Variants in LTO1 observed in about 807,000 individuals in gnomAD.
LTO1 encodes the protein protein LTO1 homolog.
A neutral mutation model predicts 19.8 loss-of-function variants in LTO1; 18 were observed. That is an observed-to-expected ratio of 0.91 (90% CI 0.63 to 1.35). The LOEUF is 1.35. Ranked by LOEUF, LTO1 falls within the 40% of genes most tolerant of loss-of-function variation. The pLI is 0.00. For synonymous variants in LTO1, 59 were observed against 59.6 expected, an observed-to-expected ratio of 0.99 and a Z score of 0.05; for missense variants, 175 against 167.9, an observed-to-expected ratio of 1.04 and a Z score of -0.23.
At chr11:69,673,439 A>C in intron 1 of LTO1, 118 bp from the exon 2 acceptor site, 2 of 676,424 alleles carry the variant, frequency 3.0e-6, no homozygotes, top group Non-Finnish European at 5.2e-6. Flanking sequence ...AAGGAGGAAA[A>C]GCCTAAAATT....
rs74998532 is a variant in LTO1, at chr11:69,670,507, C to T, written c.227+1242G>A. Among the ~76,000 whole-genome samples, 371 of 152,374 alleles carry T rather than the reference C, an allele frequency of 2.4e-3. 12 individuals carry two copies. In the East Asian group the frequency reaches 0.059, roughly 24 times the overall value. On this transcript the variant is annotated intron_variant, in intron 3 of 4. Coordinates refer to ENST00000279147, the MANE Select transcript of LTO1 (RefSeq NM_153451.3). ...AGGAGGAAAATGTCCTCAAGTGCCC[C>T]TCTGCTAACCCAGAATCCCATCGAC... is the stretch of plus-strand genomic sequence containing the variant.
chr11:69,665,716 C>T lies in LTO1; in HGVS notation c.*1803G>A, dbSNP rs977743612. ...AGAAAGAACGAGAGTCTTTCTGGCC[C>T]GAAGGCACCAGCTCTGATGAAGGCA... On this transcript the variant is annotated 3_prime_UTR_variant, in exon 5 of 5. Transcript: ENST00000279147. 6.6e-5 allele frequency: 10 copies of T among 152,156 alleles called. No individual in the cohort carries two copies. Among genetic ancestry groups the T allele is most frequent in the Non-Finnish European group, 7.3e-5 (5 of 68,038 alleles). 9.4% of individuals were successfully genotyped at this position (152,156 alleles called of 1,614,324 possible).
intron 2 of LTO1, chr11:69,672,136 A>G: frequency 3.1e-6 from 1 of 325,450 alleles, no homozygotes; most frequent in Non-Finnish European, 6.0e-6. Flanking sequence ...CTAGGGATAA[A>G]AGCCAGTGTC....
At chr11:69,668,549 A>G (rs1398564899) in intron 3 of LTO1, among the ~76,000 whole-genome samples, 1 of 152,248 alleles carries the variant, frequency 6.6e-6, no homozygotes, top group African/African-American at 2.4e-5. Context: ...CTGTGCACTC[A>G]GGAGACAGCA....
Position 69,667,453 on chromosome 11 carries a change from CG to C in LTO1, c.*65del. The C allele has an allele frequency of 1.8e-6, 2 of 1,087,382 alleles. No individual in the cohort carries two copies. The highest frequency in any genetic ancestry group is 2.9e-6 in the Non-Finnish European group (2 of 701,738). The allele number at this position is 1,087,382 out of a possible 1,614,324, so 67.4% of individuals were successfully genotyped here. A position where few individuals can be genotyped will look rare whatever the true frequency, so the allele number is the denominator to read the frequency against. On this transcript the variant is annotated 3_prime_UTR_variant, in exon 5 of 5. Coordinates refer to ENST00000279147, the MANE Select transcript of LTO1 (RefSeq NM_153451.3). ...TTCCCAGCACCGTCTGGCCCTTCAC[CG>C]CATTTCTAAACACGTCACACACACA... is the stretch of plus-strand genomic sequence containing the variant.
At position 69,666,535 on chromosome 11, in the gene LTO1, CCTCGTAAGGACAGAGACAAAAGAG is replaced by C. The variant is rs1856035135; in HGVS notation, c.*960_*983del. The C allele has an allele frequency of 6.6e-6, 1 of 152,304 alleles. No individual in the cohort carries two copies. The highest frequency in any genetic ancestry group is 1.5e-5 in the Non-Finnish European group (1 of 68,084). The allele number at this position is 152,304 out of a possible 1,614,324, so 9.4% of individuals were successfully genotyped here. A position where few individuals can be genotyped will look rare whatever the true frequency, so the allele number is the denominator to read the frequency against. Reference sequence around the variant, plus strand: ...CCCACCCCACTGCCTCTGTATGACGCCTCGTAAGGACAGAGACAAAAGAGCTCCTAGGAGAGGGGAGAATGCAGG... The same window carrying C: ...CCCACCCCACTGCCTCTGTATGACGCCTCCTAGGAGAGGGGAGAATGCAGG... On this transcript the variant is annotated 3_prime_UTR_variant, in exon 5 of 5. Transcript: ENST00000279147.
Position 69,667,723 on chromosome 11 carries a change from G to T in LTO1, c.346-136C>A, listed in dbSNP as rs564201900. 4.2e-4 allele frequency: 307 copies of T among 731,420 alleles called. No homozygotes were observed. In the African/African-American group the frequency reaches 4.8e-3, roughly 11 times the overall value. The allele number at this position is 731,420 out of a possible 1,614,324, so 45.3% of individuals were successfully genotyped here. On this transcript the variant is annotated intron_variant, in intron 4 of 4. Coordinates refer to ENST00000279147, the MANE Select transcript of LTO1 (RefSeq NM_153451.3). ...AATGAGTTCTAACTCCTTTTCTCTGGACTGTCTTCAGTTTTCCTGCACTGC... is the reference window on the plus strand; with the variant it reads ...AATGAGTTCTAACTCCTTTTCTCTGTACTGTCTTCAGTTTTCCTGCACTGC...
chr11:69,666,002 A>G lies in LTO1; in HGVS notation c.*1517T>C, dbSNP rs1179416528. The G allele has an allele frequency of 6.6e-6, 1 of 152,106 alleles. No homozygotes were observed. The highest frequency in any genetic ancestry group is 1.5e-5 in the Non-Finnish European group (1 of 68,030). 9.4% of individuals were successfully genotyped at this position (152,106 alleles called of 1,614,324 possible). A position where few individuals can be genotyped will look rare whatever the true frequency, so the allele number is the denominator to read the frequency against. On this transcript the variant is annotated 3_prime_UTR_variant, in exon 5 of 5. Transcript: ENST00000279147. Reference sequence around the variant, plus strand: ...AAACCCCATCTCTACTAAAAATACAAAAGTTACTTGGGCGTGGTGGGGGGC... The same window carrying G: ...AAACCCCATCTCTACTAAAAATACAGAAGTTACTTGGGCGTGGTGGGGGGC...
At chr11:69,668,149 T>G (rs1590922784) in intron 3 of LTO1, 137 bp from the exon 4 acceptor site, 1 of 657,160 alleles carries the variant, frequency 1.5e-6, no homozygotes, top group East Asian at 2.5e-5. Flanking sequence ...ATGATTATTT[T>G]CTCATTACAC....
chr11:69,674,394 G>C (rs764205620), intron 1 of LTO1, among the ~76,000 whole-genome samples: 4 of 152,222 alleles, frequency 2.6e-5, no homozygotes, highest in Non-Finnish European at 2.9e-5. Flanking sequence ...CAGTGGAACT[G>C]CCACTATCTT....
rs967997572 is a variant in LTO1 at position 69,667,207 on chromosome 11, A to G, written c.*312T>C. ...CAGTCCAGGCCTGGTGACTGACCCTATCCAGAGCCAACTCCAACCCAGAAC... is the reference window on the plus strand; with the variant it reads ...CAGTCCAGGCCTGGTGACTGACCCTGTCCAGAGCCAACTCCAACCCAGAAC... On this transcript the variant is annotated 3_prime_UTR_variant, in exon 5 of 5. Coordinates refer to ENST00000279147, the MANE Select transcript of LTO1 (RefSeq NM_153451.3). 2 of 397,140 alleles carry G rather than the reference A, an allele frequency of 5.0e-6. No homozygotes were observed. Among genetic ancestry groups the G allele is most frequent in the Non-Finnish European group, 9.0e-6 (2 of 222,762 alleles). The allele number at this position is 397,140 out of a possible 1,614,324, so 24.6% of individuals were successfully genotyped here. A position where few individuals can be genotyped will look rare whatever the true frequency, so the allele number is the denominator to read the frequency against.
intron 1 of LTO1, chr11:69,674,848 G>C (rs752374415): frequency 5.3e-5 from 30 of 569,592 alleles, no homozygotes; most frequent in Non-Finnish European, 1.0e-4. Context: ...TAAGGAACCA[G>C]AAAAAAAGGC....
In LTO1 at chr11:69,675,229, C is replaced by A. The variant is rs1448153062; in HGVS notation, c.11G>T (p.Ser4Ile). 2 of 1,514,060 alleles carry A rather than the reference C, an allele frequency of 1.3e-6. No individual in the cohort carries two copies. Among genetic ancestry groups the A allele is most frequent in the Non-Finnish European group, 1.8e-6 (2 of 1,133,198 alleles). 93.8% of individuals were successfully genotyped at this position (1,514,060 alleles called of 1,614,324 possible). MAG[S>I]QDIFDAIVMA... ...CACGATGGCATCGAATATGTCCTGA[C>A]TGCCAGCCATAGCGGCAAGCAGCCC... Residue 4 changes from serine (S) to isoleucine (I), a missense_variant, in exon 1 of 5, where the codon AGT (serine) becomes ATT (isoleucine). Coordinates refer to ENST00000279147, the MANE Select transcript of LTO1 (RefSeq NM_153451.3).
intron 1 of LTO1, among the ~76,000 whole-genome samples, chr11:69,673,620 C>T (rs989360580): frequency 1.3e-5 from 2 of 151,810 alleles, no homozygotes; most frequent in African/African-American, 4.8e-5. Flanking sequence ...AAGATATTAA[C>T]TCAAAAGCCT....
intron 3 of LTO1, among the ~76,000 whole-genome samples, chr11:69,671,134 C>T (rs1023884131): frequency 5.9e-5 from 9 of 152,072 alleles, no homozygotes; most frequent in East Asian, 1.9e-4. Context: ...CTCTTGATCT[C>T]GTGATCTGCC....
Position 69,675,336 on chromosome 11 carries a change from G to T in LTO1, c.-97C>A. 1.9e-6 allele frequency: 2 copies of T among 1,029,316 alleles called. No homozygotes were observed. Among genetic ancestry groups the T allele is most frequent in the South Asian group, 1.8e-5 (1 of 54,644 alleles). The allele number at this position is 1,029,316 out of a possible 1,614,324, so 63.8% of individuals were successfully genotyped here. ...CAGGCACAAATGCTCCGCTTGGGAGGAGACGAGACCCACTTCCGGAAGCGG... is the reference window on the plus strand; with the variant it reads ...CAGGCACAAATGCTCCGCTTGGGAGTAGACGAGACCCACTTCCGGAAGCGG... On this transcript the variant is annotated 5_prime_UTR_variant, in exon 1 of 5. Transcript: ENST00000279147.
Position 69,675,250 on chromosome 11 carries a change from A to C in LTO1, c.-11T>G. The C allele has an allele frequency of 1.3e-6, 2 of 1,493,158 alleles. No individual in the cohort carries two copies. Among genetic ancestry groups the C allele is most frequent in the Non-Finnish European group, 1.8e-6 (2 of 1,123,002 alleles). 92.5% of individuals were successfully genotyped at this position (1,493,158 alleles called of 1,614,324 possible). On this transcript the variant is annotated 5_prime_UTR_variant, in exon 1 of 5. Coordinates refer to ENST00000279147, the MANE Select transcript of LTO1 (RefSeq NM_153451.3). Reference sequence around the variant, plus strand: ...CTGACTGCCAGCCATAGCGGCAAGCAGCCCGCCCTTGGCCCCCGGGTTTCT... The same window carrying C: ...CTGACTGCCAGCCATAGCGGCAAGCCGCCCGCCCTTGGCCCCCGGGTTTCT...
chr11:69,670,118 G>A lies in LTO1; in HGVS notation c.227+1631C>T, dbSNP rs370829403. Among the ~76,000 whole-genome samples, 57 of 152,332 alleles carry A rather than the reference G, an allele frequency of 3.7e-4. 1 individual carries two copies. The South Asian group carries it at 0.011, about 28-fold the overall frequency. ...GAGACCTCTGGGTACTACTGGATGG[G>A]ATGAGGGCGGCTGCGAGGGGGGTCT... On this transcript the variant is annotated intron_variant, in intron 3 of 4. Coordinates refer to ENST00000279147, the MANE Select transcript of LTO1 (RefSeq NM_153451.3).
Position 69,675,262 on chromosome 11 carries a change from G to T in LTO1, c.-23C>A. The T allele has an allele frequency of 6.7e-7, 1 of 1,482,300 alleles. No homozygotes were observed. Among genetic ancestry groups the T allele is most frequent in the Non-Finnish European group, 9.0e-7 (1 of 1,117,316 alleles). The allele number at this position is 1,482,300 out of a possible 1,614,324, so 91.8% of individuals were successfully genotyped here. The stretch of plus-strand genomic sequence containing the variant: ...CATAGCGGCAAGCAGCCCGCCCTTG[G>T]CCCCCGGGTTTCTGCAGCCCCGCGG... On this transcript the variant is annotated 5_prime_UTR_variant, in exon 1 of 5. Transcript: ENST00000279147.
Sources: allele counts gnomAD v4.1 joint callset (sites outside exome capture counted in the v4.1 genomes callset), GRCh38; gene constraint gnomAD v4.1.1; transcripts MANE v1.5; gene names NCBI Gene and HGNC (gene_info 2026-07-23, HGNC 2026-07-21).